ZNF746: variants seen among roughly 807,000 people sequenced by gnomAD.
ZNF746 encodes the protein zinc finger protein 746.
In ZNF746, 13 loss-of-function variants were observed where a neutral mutation model predicts 41.0. That is an observed-to-expected ratio of 0.32 (90% CI 0.21 to 0.50). The LOEUF (loss-of-function observed/expected upper bound fraction) is 0.50, where lower values mean the gene tolerates loss of function less well. Ranked by LOEUF, ZNF746 falls within the 20% of genes least tolerant of loss-of-function variation. ZNF746 has a pLI of 0.98. For missense variants in ZNF746, 811 were observed against 922.9 expected (o/e 0.88, Z 1.57); for synonymous variants, 424 against 396.2 (o/e 1.07, Z -0.83).
chr7:149,476,435 T>C (rs986578415), intron 6 of ZNF746, among the ~76,000 whole-genome samples: 1 of 148,168 alleles, frequency 6.7e-6, no homozygotes, highest in African/African-American at 2.5e-5. Context: ...TTTTGGGTGC[T>C]AAAATATGAC....
At chr7:149,480,008 C>T (rs1800439103) in intron 4 of ZNF746, among the ~76,000 whole-genome samples, 6 of 152,234 alleles carry the variant, frequency 3.9e-5, no homozygotes, top group Admixed American at 3.9e-4. Context: ...GTGGCATCCC[C>T]TGTGGTCCCA....
Position 149,497,381 on chromosome 7 carries a change from G to C in ZNF746, c.24+132C>G. On this transcript the variant is annotated intron_variant, in intron 1 of 6. Coordinates refer to ENST00000458143, the MANE Select transcript of ZNF746 (RefSeq NM_001394198.1). This position sits in a 1 kb window ranked among gnomAD's most constrained non-coding sequence, Gnocchi z 4.2. ...CCCCGGCGGACCCCGCGCCCCATTC[G>C]CGGGAGCCCCAGGCCCGGTGGTCCG... 1.0e-6 allele frequency: 1 copy of C among 996,774 alleles called. No homozygotes were observed. The highest frequency in any genetic ancestry group is 4.7e-5 in the South Asian group (1 of 21,416). 61.7% of individuals were successfully genotyped at this position (996,774 alleles called of 1,614,324 possible).
Position 149,492,951 on chromosome 7 carries a change from T to A in ZNF746, c.473A>T (p.Glu158Val). The A allele has an allele frequency of 6.2e-7, 1 of 1,613,968 alleles. No homozygotes were observed. Among genetic ancestry groups the A allele is most frequent in the Non-Finnish European group, 8.5e-7 (1 of 1,179,906 alleles). ...VSLDYAISKP[E>V]VLSQIEQGKE... ...CCCTTGTTCAATCTGGGAGAGGACCTCGGGCTTGGAGATGGCGTAGTCTGA... is the reference window on the plus strand; with the variant it reads ...CCCTTGTTCAATCTGGGAGAGGACCACGGGCTTGGAGATGGCGTAGTCTGA... Residue 158 changes from glutamate (E) to valine (V), a missense_variant, in exon 4 of 7, where the codon GAG (glutamate) becomes GTG (valine). Physicochemically the swap from Glu to Val is moderately radical, Grantham distance 121. This residue lies in a region of ZNF746 where 147 missense variants were observed against 233.4 expected (regional missense o/e 0.63). Coordinates refer to ENST00000458143, the MANE Select transcript of ZNF746 (RefSeq NM_001394198.1).
chr7:149,478,546 C>G (rs1469562731), intron 4 of ZNF746, among the ~76,000 whole-genome samples: 1 of 152,178 alleles, frequency 6.6e-6, no homozygotes, highest in Non-Finnish European at 1.5e-5. Context: ...TCAGGAGGCC[C>G]CAGCATGGGC....
At position 149,497,522 on chromosome 7, in the gene ZNF746, G is replaced by A; in HGVS notation, c.15C>T (p.Val5=). 9.1e-7 allele frequency: 1 copy of A among 1,101,082 alleles called. No individual in the cohort carries two copies. Among genetic ancestry groups the A allele is most frequent in the Non-Finnish European group, 1.1e-6 (1 of 906,818 alleles). The allele number at this position is 1,101,082 out of a possible 1,614,324, so 68.2% of individuals were successfully genotyped here. The change falls in exon 1 of 7, where the codon GTC becomes GTT. Residue 5 remains valine, a synonymous_variant. Coordinates refer to ENST00000458143, the MANE Select transcript of ZNF746 (RefSeq NM_001394198.1). The surrounding 1 kb of genome is among the most constrained non-coding windows in gnomAD (Gnocchi z 4.2). ...CGCGGGTCGCCCTTACCGGAGCCGC[G>A]ACCGCCTCGGCCATGGCCCTGCGCT... The part of the protein sequence containing the change: MAEA[V]AAPISPWTMA...
chr7:149,481,207 G>A (rs1462952933), intron 4 of ZNF746, among the ~76,000 whole-genome samples: 3 of 152,184 alleles, frequency 2.0e-5, no homozygotes, highest in African/African-American at 7.2e-5. Context: ...TAACACTCAA[G>A]CTAAAATTAT....
At chr7:149,486,534 A>G (rs1800629935) in intron 4 of ZNF746, among the ~76,000 whole-genome samples, 1 of 152,256 alleles carries the variant, frequency 6.6e-6, no homozygotes, top group Non-Finnish European at 1.5e-5. Context: ...ATGAAAATGA[A>G]TGAGCTACAG....
At position 149,494,455 on chromosome 7, in the gene ZNF746, T is replaced by C. The variant is rs753644219; in HGVS notation, c.73A>G (p.Ile25Val). 68 of 1,613,850 alleles carry C rather than the reference T, an allele frequency of 4.2e-5. No homozygotes were observed. The Admixed American group carries it at 1.1e-3, about 27-fold the overall frequency. Residue 25 changes from isoleucine to valine, a missense_variant, in exon 2 of 7, where the codon ATT becomes GTT. Ile to Val is a conservative substitution (Grantham distance 29). Around this residue, in one of 4 missense-constraint regions of ZNF746, gnomAD observed 147 missense variants for 233.4 expected, o/e 0.63. Coordinates refer to ENST00000458143, the MANE Select transcript of ZNF746 (RefSeq NM_001394198.1). This position sits in a 1 kb window ranked among gnomAD's most constrained non-coding sequence, Gnocchi z 5.6. ...AATIQAMERK[I>V]ESQAARLLSL... ...AGCAGGCGAGCAGCCTGCGATTCAA[T>C]CTTCCTCTCCATGGCCTGAATCGTG...
intron 4 of ZNF746, among the ~76,000 whole-genome samples, chr7:149,492,110 A>G (rs2116488482): frequency 6.6e-6 from 1 of 152,326 alleles, no homozygotes; most frequent in Admixed American, 6.5e-5. Context: ...CTTTGGATTA[A>G]TTTTGTTGTC....
In ZNF746 at chr7:149,497,332, G is replaced by A; in HGVS notation, c.24+181C>T. ...GCGCTCGGGTTCGGCTCGGAGTGGG[G>A]GCCCGGCCGACGGGCGCAGTAGGCC... On this transcript the variant is annotated intron_variant, in intron 1 of 6. Transcript: ENST00000458143. This position sits in a 1 kb window ranked among gnomAD's most constrained non-coding sequence, Gnocchi z 4.2. The A allele has an allele frequency of 1.0e-6, 1 of 983,558 alleles. No homozygotes were observed. Among genetic ancestry groups the A allele is most frequent in the Non-Finnish European group, 1.2e-6 (1 of 828,446 alleles). 60.9% of individuals were successfully genotyped at this position (983,558 alleles called of 1,614,324 possible).
At chr7:149,489,332 A>G (rs1800727124) in intron 4 of ZNF746, 1 of 152,104 alleles carries the variant, frequency 6.6e-6, no homozygotes, top group Non-Finnish European at 1.5e-5. Flanking sequence ...CCTACTCTGT[A>G]CTAGGCAATA....
rs1054359573 is a variant in ZNF746, at chr7:149,497,166, C to G, written c.24+347G>C. On this transcript the variant is annotated intron_variant, in intron 1 of 6. Coordinates refer to ENST00000458143, the MANE Select transcript of ZNF746 (RefSeq NM_001394198.1). This position sits in a 1 kb window ranked among gnomAD's most constrained non-coding sequence, Gnocchi z 4.2. ...GGGAGATGGAGAGGGACCTACAGGCCGAGCGCCAGGCAGAGAAAGGAGCCG... is the reference window on the plus strand; with the variant it reads ...GGGAGATGGAGAGGGACCTACAGGCGGAGCGCCAGGCAGAGAAAGGAGCCG... 5.1e-6 allele frequency: 5 copies of G among 985,172 alleles called. No homozygotes were observed. Among genetic ancestry groups the G allele is most frequent in the East Asian group, 2.3e-4 (2 of 8,780 alleles). 61.0% of individuals were successfully genotyped at this position (985,172 alleles called of 1,614,324 possible).
At position 149,492,804 on chromosome 7, in the gene ZNF746, GTC is replaced by G. The variant is rs1236678987; in HGVS notation, c.565+53_565+54del. 15 of 1,281,374 alleles carry G rather than the reference GTC, an allele frequency of 1.2e-5. No homozygotes were observed. In the African/African-American group the frequency reaches 1.3e-4, roughly 11 times the overall value. The allele number at this position is 1,281,374 out of a possible 1,614,324, so 79.4% of individuals were successfully genotyped here. ...AGATCACACCCTTTCTGGCCTTTCCGTCTCTGTTTCCTGCACAATACCTGATG... is the reference window on the plus strand; with the variant it reads ...AGATCACACCCTTTCTGGCCTTTCCGTCTGTTTCCTGCACAATACCTGATG... On this transcript the variant is annotated intron_variant, in intron 4 of 6. Coordinates refer to ENST00000458143, the MANE Select transcript of ZNF746 (RefSeq NM_001394198.1).
chr7:149,494,261 G>A lies in ZNF746; in HGVS notation c.267C>T (p.Arg89=). Reference sequence around the variant, plus strand: ...GCCGCAGGATCCAGAAGTTCCTGTTGCGCAGCAGGTTCTCCACGTTCTCCA... The same window carrying A: ...GCCGCAGGATCCAGAAGTTCCTGTTACGCAGCAGGTTCTCCACGTTCTCCA... The part of the protein sequence containing the change: ...RRLENVENLL[R]NRNFWILRLP... Residue 89 remains arginine, a synonymous_variant, in exon 2 of 7, where the codon CGC becomes CGT. Coordinates refer to ENST00000458143, the MANE Select transcript of ZNF746 (RefSeq NM_001394198.1). This position sits in a 1 kb window ranked among gnomAD's most constrained non-coding sequence, Gnocchi z 5.6. 1 of 1,614,106 alleles carries A rather than the reference G, an allele frequency of 6.2e-7. No individual in the cohort carries two copies.
chr7:149,477,815 ACG>A, intron 4 of ZNF746, 60 bp from the exon 5 acceptor site: 1 of 1,413,704 alleles, frequency 7.1e-7, no homozygotes, highest in Admixed American at 2.3e-5. Context: ...TGGGGCATAC[ACG>A]CATCCAGCCG....
chr7:149,489,435 T>C (rs1463503443), intron 4 of ZNF746: 1 of 152,184 alleles, frequency 6.6e-6, no homozygotes, highest in East Asian at 1.9e-4. Context: ...GATGAATCTA[T>C]AAATAGGAAA....
At chr7:149,492,019 A>T in intron 4 of ZNF746, 1 of 702,622 alleles carries the variant, frequency 1.4e-6, no homozygotes, top group East Asian at 2.7e-5. Flanking sequence ...AGGCTGACCA[A>T]TGTAGACCAA....
chr7:149,477,170 C>A (rs1259012240), intron 5 of ZNF746, 123 bp from the exon 6 acceptor site: 2 of 1,247,656 alleles, frequency 1.6e-6, no homozygotes, highest in African/African-American at 1.5e-5. Context: ...TGAGTGGGCA[C>A]GAGGACCCAA....
At chr7:149,486,389 T>G (rs141646133) in intron 4 of ZNF746, among the ~76,000 whole-genome samples, 316 of 141,660 alleles carry the variant, frequency 2.2e-3, no homozygotes, top group African/African-American at 8.1e-3. Flanking sequence ...CTTTTACATA[T>G]GCATAAGAAT....
Sources: gnomAD v4.1 joint callset for allele counts (sites outside exome capture counted in the v4.1 genomes callset) on GRCh38, gnomAD v4.1.1 for gene constraint, gnomAD v4.1.1 regional missense constraint, Gnocchi (gnomAD v3.1) non-coding constraint, MANE v1.5 for transcripts, NCBI Gene and HGNC (gene_info 2026-07-23, HGNC 2026-07-21) for gene names.